The following PUDP variants were observed in gnomAD, a reference collection of about 807,000 sequenced individuals.
PUDP encodes pseudouridine-5'-phosphatase.
PUDP carries 8 observed loss-of-function variants against 9.4 expected under a neutral mutation model. That is an observed-to-expected ratio of 0.85 (90% CI 0.50 to 1.53). PUDP has a LOEUF of 1.53. Among genes scored for constraint, PUDP ranks in the 40% most tolerant of loss-of-function variants. The pLI, the probability that PUDP is intolerant of heterozygous loss-of-function variation, is 0.00. For synonymous variants in PUDP, 99 were observed against 80.7 expected, an observed-to-expected ratio of 1.23 and a Z score of -1.22; for missense variants, 188 against 189.7, an observed-to-expected ratio of 0.99 and a Z score of 0.05.
At chrX:7,119,915 G>A (rs192708024) in intron 1 of PUDP, among the ~76,000 whole-genome samples, 3 of 112,026 alleles carry the variant, frequency 2.7e-5, no homozygotes, top group Non-Finnish European at 3.8e-5. Flanking sequence ...ATTATGTGAA[G>A]GTTTTATACA....
At chrX:7,123,310 G>C (rs1402808148) in intron 1 of PUDP, among the ~76,000 whole-genome samples, 1 of 111,955 alleles carries the variant, frequency 8.9e-6, no homozygotes, top group African/African-American at 3.2e-5. Flanking sequence ...GTCGGAAACG[G>C]AACTACATAG....
intron 2 of PUDP, among the ~76,000 whole-genome samples, chrX:7,078,885 A>G (rs967370086): frequency 2.7e-5 from 3 of 111,735 alleles, no homozygotes; most frequent in Non-Finnish European, 5.6e-5. Flanking sequence ...TCTAACATTC[A>G]ATCAAAAATT....
At chrX:6,733,063 T>C (rs993840001) in intron 3 of PUDP, among the ~76,000 whole-genome samples, 2 of 112,417 alleles carry the variant, frequency 1.8e-5, no homozygotes, top group African/African-American at 6.5e-5. Context: ...AGAAGGGGCA[T>C]GGATTGAGCC....
chrX:6,852,303 G>A (rs1211892743), intron 3 of PUDP, among the ~76,000 whole-genome samples: 4 of 112,492 alleles, frequency 3.6e-5, no homozygotes, highest in Non-Finnish European at 7.5e-5. Flanking sequence ...GTTCCTGTCA[G>A]GGTAAGATCA....
At chrX:6,859,053 C>T (rs1371718551) in intron 3 of PUDP, among the ~76,000 whole-genome samples, 1 of 111,395 alleles carries the variant, frequency 9.0e-6, no homozygotes, top group African/African-American at 3.3e-5. Flanking sequence ...CTCAGGAGAT[C>T]TGATGGTTTT....
chrX:6,968,864 C>T (rs1928827738), intron 3 of PUDP, among the ~76,000 whole-genome samples: 1 of 111,932 alleles, frequency 8.9e-6, no homozygotes, highest in African/African-American at 3.2e-5. Flanking sequence ...AAATGATCTG[C>T]CCGCCTCGGC....
rs760552238 is a variant in PUDP, at chrX:6,905,658, G to T, written c.*247+71475C>A. Among the ~76,000 whole-genome samples, 7 of 111,199 alleles carry T rather than the reference G, an allele frequency of 6.3e-5. No homozygotes were observed. The East Asian group carries it at 2.0e-3, about 32-fold the overall frequency. On this transcript the variant is annotated intron_variant and NMD_transcript_variant, in intron 3 of 3. Coordinates refer to the PUDP transcript ENST00000655425. ...CCTCAACACATGAGGATTACAATTG[G>T]ATTACAATTCAGGATGAGATTTGGG...
intron 3 of PUDP, among the ~76,000 whole-genome samples, chrX:7,052,312 C>A (rs111872562): frequency 1.8e-5 from 2 of 111,549 alleles, no homozygotes; most frequent in African/African-American, 3.3e-5. Flanking sequence ...GCTGGGATTA[C>A]AGGTGTGTGC....
chrX:6,902,642 AAGG>A (rs964869362), intron 3 of PUDP, among the ~76,000 whole-genome samples: 6 of 112,068 alleles, frequency 5.4e-5, no homozygotes, highest in African/African-American at 1.9e-4. Flanking sequence ...GGGAGAAGGC[AAGG>A]AGATGTGGGG....
chrX:6,920,744 A>G (rs1258254617), intron 3 of PUDP, among the ~76,000 whole-genome samples: 2 of 111,843 alleles, frequency 1.8e-5, no homozygotes, highest in Non-Finnish European at 1.9e-5. Flanking sequence ...CTTAAAATGT[A>G]TAAAACCAAA....
At chrX:7,067,602 T>C (rs1374160799) in intron 3 of PUDP, among the ~76,000 whole-genome samples, 1 of 111,595 alleles carries the variant, frequency 9.0e-6, no homozygotes, top group African/African-American at 3.3e-5. Flanking sequence ...AGCCTCCCCA[T>C]TGACATCACT....
chrX:6,812,958 G>A (rs1012930259), intron 3 of PUDP, among the ~76,000 whole-genome samples: 8 of 110,948 alleles, frequency 7.2e-5, no homozygotes, highest in African/African-American at 2.6e-4. Flanking sequence ...GCTGGGTATG[G>A]TGACACATGC....
intron 3 of PUDP, among the ~76,000 whole-genome samples, chrX:6,901,770 T>G (rs1927691463): frequency 8.8e-6 from 1 of 113,005 alleles, no homozygotes; most frequent in African/African-American, 3.2e-5. Flanking sequence ...GGGAGACATG[T>G]GCAATATACA....
chrX:6,816,947 AC>A lies in PUDP; in HGVS notation c.*248-110482del, dbSNP rs1163462157. The stretch of plus-strand genomic sequence containing the variant: ...TAATATATATACACATATAGTATAT[AC>A]TATATGTATATACAATATATATACA... On this transcript the variant is annotated intron_variant and NMD_transcript_variant, in intron 3 of 3. Transcript: ENST00000655425. Among the ~76,000 whole-genome samples, 248 of 97,026 alleles carry A rather than the reference AC, an allele frequency of 2.6e-3. 4 individuals are homozygous for A. The highest frequency in any genetic ancestry group is 9.1e-3 in the African/African-American group (242 of 26,658). The allele number at this position is 97,026 out of a possible 115,157, so 84.3% of individuals were successfully genotyped here. A position where few individuals can be genotyped will look rare whatever the true frequency, so the allele number is the denominator to read the frequency against.
At chrX:6,852,704 T>G (rs1005160668) in intron 3 of PUDP, among the ~76,000 whole-genome samples, 1 of 112,043 alleles carries the variant, frequency 8.9e-6, no homozygotes, top group African/African-American at 3.2e-5. Flanking sequence ...TTTTTAATAT[T>G]TTTTAATAAA....
intron 1 of PUDP, among the ~76,000 whole-genome samples, chrX:7,114,065 T>TC: frequency 1.8e-5 from 1 of 56,489 alleles, no homozygotes; most frequent in Non-Finnish European, 3.6e-5. Flanking sequence ...TCTCTCTCTC[T>TC]TTTTCTTTTT....
At chrX:6,857,121 A>G (rs1926918593) in intron 3 of PUDP, among the ~76,000 whole-genome samples, 1 of 112,681 alleles carries the variant, frequency 8.9e-6, no homozygotes, top group East Asian at 2.8e-4. Flanking sequence ...GTGAACATTG[A>G]TTTATTTGTT....
intron 3 of PUDP, among the ~76,000 whole-genome samples, chrX:6,832,338 G>A (rs1190816714): frequency 2.7e-5 from 3 of 111,871 alleles, no homozygotes; most frequent in African/African-American, 9.7e-5. Context: ...AAAGCAAATG[G>A]AAGATAATCT....
At chrX:6,753,353 T>C (rs1259662434) in intron 3 of PUDP, among the ~76,000 whole-genome samples, 1 of 112,712 alleles carries the variant, frequency 8.9e-6, no homozygotes, top group African/African-American at 3.2e-5. Flanking sequence ...ACACCACAGT[T>C]TCTTTATCCA....
Sources: gnomAD v4.1 joint callset for allele counts (sites outside exome capture counted in the v4.1 genomes callset) on GRCh38, gnomAD v4.1.1 for gene constraint, MANE v1.5 for transcripts, NCBI Gene and HGNC (gene_info 2026-07-23, HGNC 2026-07-21) for gene names.